ARL15: variants seen among roughly 807,000 people sequenced by gnomAD.
ARL15 encodes the protein ARF like GTPase 15.
ARL15 carries 19 observed loss-of-function variants against 25.2 expected under a neutral mutation model. The observed-to-expected ratio is 0.75, with a 90% CI of 0.53 to 1.10. The LOEUF (loss-of-function observed/expected upper bound fraction) is 1.10, where lower values mean the gene tolerates loss of function less well. Among genes scored for constraint, ARL15 ranks in the 50% least tolerant of loss-of-function variants. The probability of loss-of-function intolerance (pLI) is 0.00; values close to 1 mark genes in which losing one functional copy is unlikely to be tolerated. For missense variants in ARL15, 220 were observed against 246.0 expected, an observed-to-expected ratio of 0.89 and a Z score of 0.71; for synonymous variants, 94 against 86.8, an observed-to-expected ratio of 1.08 and a Z score of -0.46.
intron 1 of ARL15, among the ~76,000 whole-genome samples, chr5:54,192,062 G>A (rs2112458904): frequency 1.3e-5 from 2 of 152,110 alleles, no homozygotes; most frequent in Middle Eastern, 6.8e-3. Flanking sequence ...TGCAGTTCCT[G>A]GCCCACGCTT....
intron 1 of ARL15, among the ~76,000 whole-genome samples, chr5:54,197,136 T>G (rs1389302425): frequency 6.6e-6 from 1 of 152,098 alleles, no homozygotes; most frequent in Non-Finnish European, 1.5e-5. Flanking sequence ...TTTTTTTTAT[T>G]TTTTTACTTG....
intron 3 of ARL15, among the ~76,000 whole-genome samples, chr5:54,153,059 CTT>C (rs77184450): frequency 0.22 from 33,974 of 152,030 alleles, 4,184 homozygotes; most frequent in African/African-American, 0.33. Flanking sequence ...TCAATAAAAG[CTT>C]TGTGTCCAAC....
intron 4 of ARL15, among the ~76,000 whole-genome samples, chr5:53,908,383 A>C (rs933426809): frequency 6.6e-6 from 1 of 152,192 alleles, no homozygotes; most frequent in African/African-American, 2.4e-5. Context: ...TTTCCTCATC[A>C]TTATTCCCTA....
intron 3 of ARL15, among the ~76,000 whole-genome samples, chr5:54,129,909 T>C (rs1218489615): frequency 6.6e-6 from 1 of 152,222 alleles, no homozygotes; most frequent in Admixed American, 6.5e-5. Flanking sequence ...TTAAAATCAA[T>C]TGTAAAGTTT....
chr5:54,235,862 G>C (rs1273825252), intron 1 of ARL15, among the ~76,000 whole-genome samples: 1 of 152,154 alleles, frequency 6.6e-6, no homozygotes, highest in African/African-American at 2.4e-5. Flanking sequence ...CTTCTATACT[G>C]TTAAGATGCT....
At chr5:54,189,408 C>T (rs1034280727) in intron 1 of ARL15, among the ~76,000 whole-genome samples, 10 of 152,056 alleles carry the variant, frequency 6.6e-5, no homozygotes, top group Admixed American at 2.6e-4. Context: ...AACAAACGTC[C>T]GGTAATCAAA....
intron 4 of ARL15, among the ~76,000 whole-genome samples, chr5:54,086,409 C>T (rs933345198): frequency 3.3e-5 from 5 of 151,568 alleles, no homozygotes; most frequent in Admixed American, 2.0e-4. Context: ...TTTACAATCT[C>T]CAGCCTTCAA....
Position 54,145,183 on chromosome 5 carries a change from G to A in ARL15, c.253+9397C>T, listed in dbSNP as rs185199700. Among the ~76,000 whole-genome samples the A allele has an allele frequency of 1.2e-3, 187 of 151,840 alleles. 2 individuals are homozygous for A. In the Middle Eastern group the frequency reaches 0.027, roughly 22 times the overall value. On this transcript the variant is annotated intron_variant, in intron 3 of 4. Transcript: ENST00000504924. The stretch of plus-strand genomic sequence containing the variant: ...CAACTTCCAATTTTCAATCATGTAC[G>A]TTGCTTAAATTTAAGGGCTTCACAC...
intron 4 of ARL15, among the ~76,000 whole-genome samples, chr5:53,942,876 G>A (rs1204540754): frequency 8.5e-5 from 13 of 152,174 alleles, no homozygotes; most frequent in Non-Finnish European, 1.8e-4. Flanking sequence ...ACATGTGAGG[G>A]TGTGATAAGC....
intron 1 of ARL15, among the ~76,000 whole-genome samples, chr5:54,310,081 C>T (rs1235190798): frequency 6.6e-6 from 1 of 152,176 alleles, no homozygotes; most frequent in African/African-American, 2.4e-5. Flanking sequence ...AACTCCTGCT[C>T]CCCCGGAAAG....
At chr5:54,155,878 C>T (rs962091920) in intron 2 of ARL15, among the ~76,000 whole-genome samples, 1 of 152,060 alleles carries the variant, frequency 6.6e-6, no homozygotes, top group African/African-American at 2.4e-5. Flanking sequence ...GAATTAAAAG[C>T]CCTATGAATT....
chr5:53,997,846 A>T, intron 4 of ARL15, among the ~76,000 whole-genome samples: 2 of 152,278 alleles, frequency 1.3e-5, no homozygotes, highest in South Asian at 4.2e-4. Context: ...TAAAACCACT[A>T]ATCTATTTCC....
intron 3 of ARL15, among the ~76,000 whole-genome samples, chr5:54,118,385 C>T (rs1223020719): frequency 1.3e-5 from 2 of 152,174 alleles, no homozygotes; most frequent in Admixed American, 6.5e-5. Flanking sequence ...AAAGATTTGC[C>T]AATTTTCTCA....
chr5:54,278,158 T>G (rs1479738605), intron 1 of ARL15, among the ~76,000 whole-genome samples: 3 of 152,214 alleles, frequency 2.0e-5, no homozygotes, highest in African/African-American at 7.2e-5. Flanking sequence ...GATGGTGTTA[T>G]TATAGTTCCC....
chr5:54,283,052 A>G (rs1468881489), intron 1 of ARL15, among the ~76,000 whole-genome samples: 5 of 152,226 alleles, frequency 3.3e-5, no homozygotes, highest in Non-Finnish European at 7.3e-5. Context: ...GAACACTGTT[A>G]TTATGGTTTA....
chr5:54,004,778 T>G (rs1748966199), intron 4 of ARL15, among the ~76,000 whole-genome samples: 1 of 147,194 alleles, frequency 6.8e-6, no homozygotes, highest in Non-Finnish European at 1.5e-5. Context: ...TGTGATTTTG[T>G]GTGTGTGTGC....
intron 4 of ARL15, among the ~76,000 whole-genome samples, chr5:53,928,165 TAG>T (rs1746092041): frequency 6.6e-6 from 1 of 152,152 alleles, no homozygotes. Context: ...GACTTTTGAT[TAG>T]AGTTAAGATT....
intron 4 of ARL15, among the ~76,000 whole-genome samples, chr5:54,090,012 T>A (rs1434329974): frequency 6.6e-6 from 1 of 152,220 alleles, no homozygotes; most frequent in African/African-American, 2.4e-5. Context: ...GGGAAACTTC[T>A]TGGTAGTACC....
At chr5:54,008,025 C>G (rs1749104549) in intron 4 of ARL15, among the ~76,000 whole-genome samples, 1 of 152,316 alleles carries the variant, frequency 6.6e-6, no homozygotes, top group Non-Finnish European at 1.5e-5. Flanking sequence ...GTTCTGCTGT[C>G]TCTAAAAGCA....
Sources: gnomAD v4.1 joint callset for allele counts (sites outside exome capture counted in the v4.1 genomes callset) on GRCh38, gnomAD v4.1.1 for gene constraint, MANE v1.5 for transcripts, NCBI Gene and HGNC (gene_info 2026-07-23, HGNC 2026-07-21) for gene names.